NRK: variants seen among roughly 807,000 people sequenced by gnomAD.
The protein encoded by NRK is nik-related protein kinase.
A neutral mutation model predicts 125.2 loss-of-function variants in NRK; 67 were observed. The observed-to-expected ratio is 0.54, with a 90% CI of 0.44 to 0.66. NRK has a LOEUF of 0.66. Ranked by LOEUF, NRK falls within the 30% of genes least tolerant of loss-of-function variation. The pLI, the probability that NRK is intolerant of heterozygous loss-of-function variation, is 0.00. For missense variants in NRK, 1,224 were observed against 1,192.9 expected (o/e 1.03, Z -0.38); for synonymous variants, 458 against 429.0 (o/e 1.07, Z -0.84).
intron 9 of NRK, among the ~76,000 whole-genome samples, chrX:105,903,443 G>T: frequency 9.0e-6 from 1 of 111,335 alleles, no homozygotes; most frequent in Admixed American, 9.6e-5. Context: ...ATCTCAACAT[G>T]TGTTAAGAAT....
At chrX:105,916,506 A>G (rs752902666) in intron 15 of NRK, among the ~76,000 whole-genome samples, 5 of 111,533 alleles carry the variant, frequency 4.5e-5, no homozygotes, top group Non-Finnish European at 9.5e-5. Context: ...TTGAACACTC[A>G]CTATATTCAA....
chrX:105,879,434 C>A (rs1470911274), intron 2 of NRK, among the ~76,000 whole-genome samples: 1 of 110,945 alleles, frequency 9.0e-6, no homozygotes, highest in Non-Finnish European at 1.9e-5. Context: ...AGGTACCAGC[C>A]ACAAAATAGG....
chrX:105,821,816 A>T (rs1015907559), upstream of NRK, among the ~76,000 whole-genome samples: 1 of 111,753 alleles, frequency 8.9e-6, no homozygotes, highest in African/African-American at 3.3e-5. Flanking sequence ...ACCTGAGAAC[A>T]GGTGCTGTTC....
chrX:105,870,273 T>A (rs1342850960), intron 2 of NRK, among the ~76,000 whole-genome samples: 3 of 112,012 alleles, frequency 2.7e-5, no homozygotes, highest in Non-Finnish European at 5.6e-5. Flanking sequence ...TAAACAATGC[T>A]GCTTGGAAGT....
At chrX:105,925,115 C>T in intron 19 of NRK, 84 bp downstream of exon 19, 1 of 733,705 alleles carries the variant, frequency 1.4e-6, no homozygotes, top group Non-Finnish European at 2.0e-6. Flanking sequence ...TCTAGCCATT[C>T]CAAATAGATT....
intron 23 of NRK, among the ~76,000 whole-genome samples, chrX:105,943,468 C>G (rs747785639): frequency 3.6e-5 from 4 of 111,794 alleles, no homozygotes; most frequent in Non-Finnish European, 7.5e-5. Context: ...AGTTCTCCAA[C>G]TTAGATTTTC....
At position 105,908,992 on chromosome X, in the gene NRK, G is replaced by T. The variant is rs747808806; in HGVS notation, c.1351G>T (p.Ala451Ser). The stretch of plus-strand genomic sequence containing the variant: ...AGCTCGGGTGTTCATGCCACTACAG[G>T]CTCAGGTGAAGGCTAAGGCCTCTAA... ...GAARVFMPLQ[A>S]QVKAKASKPL... Residue 451 changes from alanine to serine, a missense_variant, in exon 13 of 29, where the codon GCT becomes TCT. Ala to Ser is a moderately conservative substitution (Grantham distance 99). Transcript: ENST00000243300. 2.2e-5 allele frequency: 27 copies of T among 1,207,716 alleles called. No individual in the cohort carries two copies. The South Asian group carries it at 4.8e-4, about 21-fold the overall frequency.
At chrX:105,826,251 AT>A (rs1306865672) in intron 1 of NRK, among the ~76,000 whole-genome samples, 1 of 83,575 alleles carries the variant, frequency 1.2e-5, no homozygotes, top group Non-Finnish European at 2.2e-5. Flanking sequence ...AATATATATG[AT>A]AATATATATT....
At chrX:105,936,810 T>A (rs925422035) in intron 21 of NRK, among the ~76,000 whole-genome samples, 2 of 111,704 alleles carry the variant, frequency 1.8e-5, no homozygotes, top group Non-Finnish European at 3.8e-5. Context: ...GAAATTGAGA[T>A]CCATGAAGGC....
intron 4 of NRK, among the ~76,000 whole-genome samples, chrX:105,886,094 C>T (rs181978341): frequency 1.8e-5 from 2 of 109,709 alleles, no homozygotes; most frequent in Non-Finnish European, 3.8e-5. Flanking sequence ...TATTGTACCT[C>T]GGTGATCTCA....
chrX:105,848,428 AT>A (rs1376005428), intron 2 of NRK, among the ~76,000 whole-genome samples: 1 of 111,894 alleles, frequency 8.9e-6, no homozygotes, highest in African/African-American at 3.2e-5. Context: ...CTCACATAAG[AT>A]TGTGAATAAT....
intron 2 of NRK, among the ~76,000 whole-genome samples, chrX:105,858,516 C>T (rs1427667251): frequency 1.8e-5 from 2 of 109,740 alleles, no homozygotes; most frequent in Non-Finnish European, 3.8e-5. Flanking sequence ...AGACTTAGAC[C>T]CCAGAGGTAT....
rs2040223286 is a variant in NRK, at chrX:105,906,647, T to G, written c.1021+58T>G. ...GAATATTCAGAGTTTATTCATGTATTGTTTCCAGGAAAAAGTAATATTTGT... is the reference window on the plus strand; with the variant it reads ...GAATATTCAGAGTTTATTCATGTATGGTTTCCAGGAAAAAGTAATATTTGT... On this transcript the variant is annotated intron_variant, in intron 11 of 28. Coordinates refer to ENST00000243300, the MANE Select transcript of NRK (RefSeq NM_198465.4). The G allele has an allele frequency of 4.8e-6, 3 of 626,775 alleles. No individual in the cohort carries two copies. In the East Asian group the frequency reaches 1.1e-4, roughly 24 times the overall value. 51.7% of individuals were successfully genotyped at this position (626,775 alleles called of 1,213,427 possible).
intron 2 of NRK, among the ~76,000 whole-genome samples, chrX:105,843,724 A>G (rs1272455318): frequency 2.7e-5 from 3 of 111,339 alleles, no homozygotes; most frequent in African/African-American, 9.8e-5. Flanking sequence ...GTCTCATACC[A>G]TCAGGAAGAT....
intron 1 of NRK, among the ~76,000 whole-genome samples, chrX:105,825,738 C>T (rs935435923): frequency 7.2e-5 from 8 of 110,784 alleles, no homozygotes; most frequent in Admixed American, 1.9e-4. Flanking sequence ...AACTTTTTCA[C>T]GTAATGCACT....
In NRK at chrX:105,934,279, G is replaced by A; in HGVS notation, c.3334G>A (p.Ala1112Thr). 1 of 1,173,627 alleles carries A rather than the reference G, an allele frequency of 8.5e-7. No homozygotes were observed. Among genetic ancestry groups the A allele is most frequent in the South Asian group, 2.0e-5 (1 of 50,436 alleles). The change falls in exon 20 of 29, where the codon GCC (alanine) becomes ACC (threonine). Residue 1112 changes from alanine to threonine, a missense_variant. Ala to Thr is a moderately conservative substitution (Grantham distance 58). Transcript: ENST00000243300. ...LQEEPGGGNE[A>T]SNAIDSGAAP... ...TTAGGAGCCAGGTGGTGGAAATGAG[G>A]CCTCAAATGCCATTGACTCAGGTGC...
intron 2 of NRK, among the ~76,000 whole-genome samples, chrX:105,876,257 AAG>A (rs1250795519): frequency 3.6e-5 from 4 of 111,209 alleles, no homozygotes; most frequent in Non-Finnish European, 7.6e-5. Flanking sequence ...TATTTACTAA[AAG>A]AGTAAATTTT....
chrX:105,904,502 T>A (rs964402538), intron 9 of NRK, among the ~76,000 whole-genome samples: 1 of 112,072 alleles, frequency 8.9e-6, no homozygotes, highest in African/African-American at 3.2e-5. Context: ...TGTCAGATAC[T>A]TTTGAGGGGA....
intron 1 of NRK, among the ~76,000 whole-genome samples, chrX:105,826,390 A>AAT (rs1555975931): frequency 4.2e-5 from 3 of 72,205 alleles, no homozygotes; most frequent in African/African-American, 1.5e-4. Flanking sequence ...TCATATATAT[A>AAT]ATATATATAT....
Sources: allele counts gnomAD v4.1 joint callset (sites outside exome capture counted in the v4.1 genomes callset), GRCh38; gene constraint gnomAD v4.1.1; transcripts MANE v1.5; gene names NCBI Gene and HGNC (gene_info 2026-07-23, HGNC 2026-07-21).